C8orf88: variants seen among roughly 807,000 people sequenced by gnomAD.
C8orf88 encodes uncharacterized protein C8orf88.
A neutral mutation model predicts 18.4 loss-of-function variants in C8orf88; 14 were observed. The observed-to-expected ratio is 0.76, with a 90% CI of 0.50 to 1.19. The LOEUF (loss-of-function observed/expected upper bound fraction) is 1.19. C8orf88 is among the 50% of genes most tolerant of loss of function. The probability of loss-of-function intolerance (pLI) is 0.00; values close to 1 mark genes in which losing one functional copy is unlikely to be tolerated. For synonymous variants in C8orf88, 45 were observed against 42.9 expected, an observed-to-expected ratio of 1.05 and a Z score of -0.19; for missense variants, 116 against 134.7, an observed-to-expected ratio of 0.86 and a Z score of 0.69.
intron 4 of C8orf88, among the ~76,000 whole-genome samples, chr8:90,967,975 T>C (rs936958268): frequency 6.6e-6 from 1 of 151,792 alleles, no homozygotes; most frequent in Non-Finnish European, 1.5e-5. Flanking sequence ...GATTTAATAT[T>C]GTTAAGTTGG....
chr8:90,978,265 T>C (rs2130322368), intron 3 of C8orf88, among the ~76,000 whole-genome samples: 1 of 152,240 alleles, frequency 6.6e-6, no homozygotes, highest in East Asian at 1.9e-4. Context: ...TACAAATATA[T>C]TCATGGAAAA....
chr8:90,973,631 T>C (rs1387925192), intron 3 of C8orf88, among the ~76,000 whole-genome samples: 1 of 152,056 alleles, frequency 6.6e-6, no homozygotes, highest in Non-Finnish European at 1.5e-5. Flanking sequence ...TGCAGGCATA[T>C]ACCACCATAC....
At chr8:90,966,285 T>C (rs913656283) in intron 4 of C8orf88, among the ~76,000 whole-genome samples, 6 of 137,238 alleles carry the variant, frequency 4.4e-5, no homozygotes, top group African/African-American at 1.6e-4. Flanking sequence ...TTCTCACTCA[T>C]GGGTGGGAAC....
intron 4 of C8orf88, among the ~76,000 whole-genome samples, chr8:90,968,601 A>G (rs1158198211): frequency 6.9e-6 from 1 of 144,240 alleles, no homozygotes; most frequent in East Asian, 2.0e-4. Flanking sequence ...AAATTTGTGC[A>G]TTAAGACACC....
intron 4 of C8orf88, among the ~76,000 whole-genome samples, chr8:90,966,758 G>A (rs1165918907): frequency 6.6e-6 from 1 of 151,748 alleles, no homozygotes; most frequent in Non-Finnish European, 1.5e-5. Context: ...TATATACACA[G>A]ATGCTTCTCA....
rs1811080103 is a variant in C8orf88 at position 90,958,846 on chromosome 8, T to TCTTC, written c.*160_*161insGAAG. On this transcript the variant is annotated 3_prime_UTR_variant, in exon 6 of 6. Transcript: ENST00000517562. Reference sequence around the variant, plus strand: ...GCAAAGCTGAAACTGATTAGAAAATTCTTTATATTTTAAAATAGCTCTTTC... The same window carrying TCTTC: ...GCAAAGCTGAAACTGATTAGAAAATTCTTCCTTTATATTTTAAAATAGCTCTTTC... 1 of 517,924 alleles carries TCTTC rather than the reference T, an allele frequency of 1.9e-6. No individual in the cohort carries two copies. Among genetic ancestry groups the TCTTC allele is most frequent in the Non-Finnish European group, 3.3e-6 (1 of 298,674 alleles). The allele number at this position is 517,924 out of a possible 1,614,324, so 32.1% of individuals were successfully genotyped here.
intron 3 of C8orf88, among the ~76,000 whole-genome samples, chr8:90,973,826 C>A (rs987261034): frequency 6.6e-6 from 1 of 151,992 alleles, no homozygotes; most frequent in African/African-American, 2.4e-5. Flanking sequence ...TCTTGTCACT[C>A]ATCTTAAACA....
intron 4 of C8orf88, among the ~76,000 whole-genome samples, chr8:90,967,608 G>A (rs1053885226): frequency 1.3e-5 from 2 of 151,640 alleles, no homozygotes; most frequent in African/African-American, 4.8e-5. Flanking sequence ...CTATAGGTTT[G>A]TTCAGATTTT....
intron 3 of C8orf88, among the ~76,000 whole-genome samples, chr8:90,976,757 T>A (rs558143597): frequency 6.6e-6 from 1 of 152,070 alleles, no homozygotes; most frequent in African/African-American, 2.4e-5. Context: ...AATCAGTTGC[T>A]TATAGGAGAA....
At chr8:90,981,604 T>G (rs958526278) in intron 1 of C8orf88, among the ~76,000 whole-genome samples, 5 of 152,174 alleles carry the variant, frequency 3.3e-5, no homozygotes, top group Non-Finnish European at 7.4e-5. Flanking sequence ...CCTACTGTAT[T>G]TTATCACTTT....
chr8:90,959,778 T>TA (rs1811099057), intron 5 of C8orf88, among the ~76,000 whole-genome samples: 1 of 151,400 alleles, frequency 6.6e-6, no homozygotes, highest in South Asian at 2.1e-4. Context: ...GTTCTCAGTA[T>TA]ACCTATATTC....
At chr8:90,966,260 ACC>A (rs1811194577) in intron 4 of C8orf88, among the ~76,000 whole-genome samples, 1 of 149,642 alleles carries the variant, frequency 6.7e-6, no homozygotes, top group South Asian at 2.1e-4. Flanking sequence ...AGAATAAAAA[ACC>A]AAACACTGCA....
intron 3 of C8orf88, among the ~76,000 whole-genome samples, chr8:90,976,314 G>C (rs1811349606): frequency 6.6e-6 from 1 of 152,034 alleles, no homozygotes; most frequent in African/African-American, 2.4e-5. Context: ...AATATATCAA[G>C]TATCTCTAAC....
chr8:90,968,192 A>C (rs771079221), intron 4 of C8orf88, among the ~76,000 whole-genome samples: 7 of 151,766 alleles, frequency 4.6e-5, no homozygotes, highest in Non-Finnish European at 1.0e-4. Context: ...TATAGTAATC[A>C]AAAAAATGTG....
chr8:90,980,293 T>A, intron 2 of C8orf88, 70 bp downstream of exon 2: 3 of 934,500 alleles, frequency 3.2e-6, no homozygotes, highest in Non-Finnish European at 3.0e-6. Flanking sequence ...TTATATATTA[T>A]TTAGCTTTTC....
chr8:90,969,948 T>C (rs571842749), intron 4 of C8orf88, among the ~76,000 whole-genome samples: 1 of 151,916 alleles, frequency 6.6e-6, no homozygotes, highest in Non-Finnish European at 1.5e-5. Flanking sequence ...CTGAAAGGAA[T>C]GTCCCATGTA....
chr8:90,966,568 A>T (rs1811202920), intron 4 of C8orf88, among the ~76,000 whole-genome samples: 1 of 146,202 alleles, frequency 6.8e-6, no homozygotes, highest in Admixed American at 6.8e-5. Flanking sequence ...CGACTCACCA[A>T]AAAAAAAAAA....
chr8:90,979,380 T>C (rs886900015), intron 2 of C8orf88, among the ~76,000 whole-genome samples: 2 of 152,166 alleles, frequency 1.3e-5, no homozygotes, highest in African/African-American at 4.8e-5. Flanking sequence ...AATTTGAGAC[T>C]TGACCCTACA....
In C8orf88 at chr8:90,978,645, C is replaced by T. The variant is rs571494044; in HGVS notation, c.81G>A (p.Val27=). 3 of 1,521,478 alleles carry T rather than the reference C, an allele frequency of 2.0e-6. No homozygotes were observed. The highest frequency in any genetic ancestry group is 2.6e-6 in the Non-Finnish European group (3 of 1,137,774). The allele number at this position is 1,521,478 out of a possible 1,614,324, so 94.2% of individuals were successfully genotyped here. The change falls in exon 3 of 6, where the codon GTG becomes GTA. Residue 27 remains valine, a synonymous_variant. Transcript: ENST00000517562. The part of the protein sequence containing the change: ...VRHLTSPPGA[V]FPFNFQNEYP... ...ATTCGTTTTGAAAGTTGAAAGGGAA[C>T]ACTGCTCCTGTTAGGAGAGGAAGAA...
Sources: allele counts gnomAD v4.1 joint callset (sites outside exome capture counted in the v4.1 genomes callset), GRCh38; gene constraint gnomAD v4.1.1; transcripts MANE v1.5; gene names NCBI Gene and HGNC (gene_info 2026-07-23, HGNC 2026-07-21).